PCDHA2: variants seen among roughly 807,000 people sequenced by gnomAD.
The protein encoded by PCDHA2 is protocadherin alpha-2.
A neutral mutation model predicts 66.0 loss-of-function variants in PCDHA2; 58 were observed. The observed-to-expected ratio is 0.88, with a 90% CI of 0.71 to 1.09. PCDHA2 has a LOEUF of 1.09. Ranked by LOEUF, PCDHA2 falls within the 50% of genes least tolerant of loss-of-function variation. The pLI is 0.00. For missense variants in PCDHA2, 1,267 were observed against 1,242.3 expected, an observed-to-expected ratio of 1.02 and a Z score of -0.30; for synonymous variants, 634 against 554.0, an observed-to-expected ratio of 1.14 and a Z score of -2.03.
chr5:140,968,629 T>C, intron 1 of PCDHA2: 1 of 1,614,174 alleles, frequency 6.2e-7, no homozygotes, highest in Non-Finnish European at 8.5e-7. Context: ...CTTGGCTTTT[T>C]TACCATCTAG....
At chr5:140,802,028 C>G (rs1230635185) in intron 1 of PCDHA2, 1 of 1,614,018 alleles carries the variant, frequency 6.2e-7, no homozygotes, top group Non-Finnish European at 8.5e-7. Flanking sequence ...ATAAGGATAT[C>G]GCGTATTCTT....
At chr5:140,852,867 T>A (rs2042500160) in intron 1 of PCDHA2, 1 of 952,126 alleles carries the variant, frequency 1.1e-6, no homozygotes, top group African/African-American at 1.8e-5. Context: ...TACTATGTCA[T>A]CAATAATCAT....
Position 140,823,500 on chromosome 5 carries a change from A to G in PCDHA2, c.2388+26148A>G, listed in dbSNP as rs1016664951. 8 of 1,613,208 alleles carry G rather than the reference A, an allele frequency of 5.0e-6. No individual in the cohort carries two copies. The Admixed American group carries it at 5.0e-5, about 10-fold the overall frequency. On this transcript the variant is annotated intron_variant, in intron 1 of 3. Transcript: ENST00000526136. ...CTCGAGTGGGTGGCACCGGCGGCGCAGTGAGCGAGCTGGTGCCGAGGTCAG... is the reference window on the plus strand; with the variant it reads ...CTCGAGTGGGTGGCACCGGCGGCGCGGTGAGCGAGCTGGTGCCGAGGTCAG...
chr5:140,942,608 T>G (rs1221656316), intron 1 of PCDHA2, among the ~76,000 whole-genome samples: 3 of 114,466 alleles, frequency 2.6e-5, no homozygotes, highest in Non-Finnish European at 5.4e-5. Context: ...AGTGTTTATA[T>G]TTGCCAATTG....
chr5:140,849,276 G>A, intron 1 of PCDHA2: 1 of 1,173,354 alleles, frequency 8.5e-7, no homozygotes, highest in Admixed American at 2.6e-5. Flanking sequence ...CGGAACGCTG[G>A]TGATTCACCC....
At chr5:140,807,248 C>T (rs782639557) in intron 1 of PCDHA2, 17 of 1,614,108 alleles carry the variant, frequency 1.1e-5, no homozygotes, top group East Asian at 2.2e-5. Context: ...ACTTCTTCTC[C>T]TCGCAGCCTG....
chr5:140,968,118 C>T (rs141928119), intron 1 of PCDHA2: 717 of 1,614,170 alleles, frequency 4.4e-4, no homozygotes, highest in Middle Eastern at 2.3e-3. Context: ...CAGCTCACAT[C>T]CCTGCGTACA....
At chr5:140,806,984 C>A in intron 1 of PCDHA2, 3 of 643,936 alleles carry the variant, frequency 4.7e-6, no homozygotes, top group Non-Finnish European at 7.9e-6. Flanking sequence ...CGGTTTGGAG[C>A]CACATGATGT....
intron 1 of PCDHA2, chr5:140,801,004 T>C: frequency 7.1e-7 from 1 of 1,408,006 alleles, no homozygotes; most frequent in Non-Finnish European, 9.2e-7. Context: ...TTTAGCCACA[T>C]GATGTCGCTG....
At chr5:141,009,217 G>T (rs1554262066) in intron 3 of PCDHA2, among the ~76,000 whole-genome samples, 1 of 152,234 alleles carries the variant, frequency 6.6e-6, no homozygotes, top group African/African-American at 2.4e-5. Flanking sequence ...CACTTTGGGA[G>T]GCCAAGGTGG....
chr5:140,897,455 T>C (rs1376435296), intron 1 of PCDHA2, among the ~76,000 whole-genome samples: 1 of 151,682 alleles, frequency 6.6e-6, no homozygotes, highest in Non-Finnish European at 1.5e-5. Flanking sequence ...TTTTTGTCCT[T>C]GCGATAGTTT....
intron 1 of PCDHA2, chr5:140,836,055 G>A: frequency 5.6e-6 from 9 of 1,613,604 alleles, no homozygotes; most frequent in Non-Finnish European, 7.6e-6. Flanking sequence ...CGTGCTGGAC[G>A]AGAACGACAA....
In PCDHA2 at chr5:140,805,258, G is replaced by A. The variant is rs1581671640; in HGVS notation, c.2388+7906G>A. 41 of 1,286,286 alleles carry A rather than the reference G, an allele frequency of 3.2e-5. 1 individual carries two copies. In the South Asian group the frequency reaches 8.8e-4, roughly 28 times the overall value. The allele number at this position is 1,286,286 out of a possible 1,614,324, so 79.7% of individuals were successfully genotyped here. On this transcript the variant is annotated intron_variant, in intron 1 of 3. Transcript: ENST00000526136. ...TCCCCATCTGTACATTAAAATACCT[G>A]GTAAATGAAAATATTACAAATGAAA...
At chr5:140,885,064 A>T (rs2060452937) in intron 1 of PCDHA2, among the ~76,000 whole-genome samples, 1 of 152,162 alleles carries the variant, frequency 6.6e-6, no homozygotes, top group Non-Finnish European at 1.5e-5. Context: ...TACCCACAAG[A>T]TATTATTTTA....
chr5:140,953,837 C>T (rs1585533226), intron 1 of PCDHA2, among the ~76,000 whole-genome samples: 1 of 151,614 alleles, frequency 6.6e-6, no homozygotes, highest in African/African-American at 2.4e-5. Flanking sequence ...GGTTTGTTAC[C>T]CAGGTAAACA....
intron 1 of PCDHA2, chr5:140,884,558 C>T: frequency 3.7e-6 from 6 of 1,614,146 alleles, no homozygotes; most frequent in Non-Finnish European, 5.1e-6. Flanking sequence ...TGGGGAGGGC[C>T]CGCATAAGAC....
At chr5:140,823,109 C>G in intron 1 of PCDHA2, 1 of 1,614,038 alleles carries the variant, frequency 6.2e-7, no homozygotes, top group Non-Finnish European at 8.5e-7. Flanking sequence ...GTGGAAGTGG[C>G]CGACGTGAAC....
rs782061737 is a variant in PCDHA2 at position 140,807,674 on chromosome 5, G to C, written c.2388+10322G>C. ...AGAGGGCGCCTCGGATGCAGATATC[G>C]GGGAGAACGCCCTGCTCACTTACAG... On this transcript the variant is annotated intron_variant, in intron 1 of 3. Transcript: ENST00000526136. 3.6e-5 allele frequency: 58 copies of C among 1,614,088 alleles called. No individual in the cohort carries two copies. The highest frequency in any genetic ancestry group is 1.6e-4 in the Middle Eastern group (1 of 6,084).
intron 1 of PCDHA2, chr5:140,841,832 A>G: frequency 6.2e-7 from 1 of 1,613,924 alleles, no homozygotes; most frequent in Non-Finnish European, 8.5e-7. Flanking sequence ...GTTAACCTAC[A>G]GGCTTAGCTC....
Sources: gnomAD v4.1 joint callset for allele counts (sites outside exome capture counted in the v4.1 genomes callset) on GRCh38, gnomAD v4.1.1 for gene constraint, MANE v1.5 for transcripts, NCBI Gene and HGNC (gene_info 2026-07-23, HGNC 2026-07-21) for gene names.